Variants in GRXCR2 observed in about 807,000 individuals in gnomAD.
GRXCR2 encodes glutaredoxin domain-containing cysteine-rich protein 2.
GRXCR2 carries 23 observed loss-of-function variants against 24.8 expected under a neutral mutation model. The observed-to-expected ratio is 0.93, with a 90% CI of 0.67 to 1.32. GRXCR2 has a LOEUF of 1.32. Among genes scored for constraint, GRXCR2 ranks in the 40% most tolerant of loss-of-function variants. GRXCR2 has a pLI of 0.00. For missense variants in GRXCR2, 315 were observed against 303.4 expected (o/e 1.04, Z -0.28); for synonymous variants, 130 against 116.1 (o/e 1.12, Z -0.77).
At chr5:145,927,901 TG>T (rs1206327467) in intron 2 of GRXCR2, among the ~76,000 whole-genome samples, 2 of 152,002 alleles carry the variant, frequency 1.3e-5, no homozygotes, top group Non-Finnish European at 2.9e-5. Flanking sequence ...AATTGACAAA[TG>T]GGATCTAACT....
chr5:145,867,346 C>T (rs1446891126), intron 1 of GRXCR2, among the ~76,000 whole-genome samples: 1 of 152,124 alleles, frequency 6.6e-6, no homozygotes, highest in Non-Finnish European at 1.5e-5. Context: ...CCAAGTCTGT[C>T]ACCCTAAAGC....
intron 1 of GRXCR2, among the ~76,000 whole-genome samples, chr5:145,867,665 A>C (rs1448032592): frequency 6.6e-6 from 1 of 152,192 alleles, no homozygotes; most frequent in Admixed American, 6.5e-5. Flanking sequence ...CAGCATCTAA[A>C]CAGATTTGGT....
intron 2 of GRXCR2, among the ~76,000 whole-genome samples, chr5:145,917,182 C>T (rs1264868016): frequency 6.7e-6 from 1 of 149,388 alleles, no homozygotes; most frequent in African/African-American, 2.5e-5. Context: ...CAGTATTTGC[C>T]TGTTACTCCC....
chr5:145,869,559 CTTT>C (rs398038865), intron 1 of GRXCR2, among the ~76,000 whole-genome samples: 5 of 137,510 alleles, frequency 3.6e-5, no homozygotes, highest in Admixed American at 7.4e-5. Flanking sequence ...CTCTCTCTCT[CTTT>C]TTTTTTTTTT....
intron 2 of GRXCR2, among the ~76,000 whole-genome samples, chr5:145,899,852 G>A (rs1252338389): frequency 6.6e-6 from 1 of 152,068 alleles, no homozygotes; most frequent in Non-Finnish European, 1.5e-5. Context: ...CCTTGGGAAA[G>A]AATTTATGAC....
intron 2 of GRXCR2, among the ~76,000 whole-genome samples, chr5:145,915,541 T>C (rs974133060): frequency 1.3e-5 from 2 of 152,030 alleles, no homozygotes; most frequent in Non-Finnish European, 2.9e-5. Context: ...TCCTAACACT[T>C]TGGGAGGCCG....
intron 2 of GRXCR2, among the ~76,000 whole-genome samples, chr5:145,881,897 T>G (rs1013826629): frequency 1.3e-5 from 2 of 152,024 alleles, no homozygotes; most frequent in Non-Finnish European, 2.9e-5. Flanking sequence ...TTTGACAAAC[T>G]TGACAAAAAC....
chr5:145,894,495 C>T (rs1756919038), intron 2 of GRXCR2, among the ~76,000 whole-genome samples: 1 of 152,302 alleles, frequency 6.6e-6, no homozygotes, highest in Middle Eastern at 3.4e-3. Context: ...TCAGAGAATA[C>T]TATAAACACT....
At chr5:145,873,328 A>C (rs1339943402), upstream of GRXCR2, among the ~76,000 whole-genome samples, 1 of 152,210 alleles carries the variant, frequency 6.6e-6, no homozygotes, top group Admixed American at 6.5e-5. Flanking sequence ...CAATTAGTTA[A>C]CAAGTGTCTT....
At chr5:145,873,454 T>G (rs913755615), upstream of GRXCR2, among the ~76,000 whole-genome samples, 2 of 152,236 alleles carry the variant, frequency 1.3e-5, no homozygotes, top group Non-Finnish European at 2.9e-5. Context: ...ATCTTACCTT[T>G]GTTTTACACA....
chr5:145,927,973 G>A (rs1369614620), intron 2 of GRXCR2, among the ~76,000 whole-genome samples: 2 of 152,084 alleles, frequency 1.3e-5, no homozygotes, highest in Non-Finnish European at 2.9e-5. Flanking sequence ...GCAACCTACA[G>A]AATGGGAGAA....
intron 2 of GRXCR2, among the ~76,000 whole-genome samples, chr5:145,910,789 A>G (rs1388068814): frequency 6.6e-6 from 1 of 152,214 alleles, no homozygotes; most frequent in Non-Finnish European, 1.5e-5. Flanking sequence ...TGAAGCAGAT[A>G]AGATTTAAGC....
intron 2 of GRXCR2, among the ~76,000 whole-genome samples, chr5:145,889,172 AAAAGAAAGAAAG>A (rs557521873): frequency 0.061 from 5,086 of 83,930 alleles, 171 homozygotes; most frequent in Non-Finnish European, 0.067. Context: ...CTGTCTCAAA[AAAAGAAAGAAAG>A]AAAGAAAGAA....
intron 2 of GRXCR2, among the ~76,000 whole-genome samples, chr5:145,893,188 G>T (rs1756896407): frequency 6.6e-6 from 1 of 152,168 alleles, no homozygotes; most frequent in African/African-American, 2.4e-5. Context: ...ATGCCAAATT[G>T]TAAAGACCAT....
chr5:145,876,301 G>T (rs866037205), upstream of GRXCR2, among the ~76,000 whole-genome samples: 30 of 142,636 alleles, frequency 2.1e-4, no homozygotes, highest in Middle Eastern at 7.9e-3. Context: ...TTTTGAGACA[G>T]GGTCTTGCTC....
At chr5:145,925,892 TA>T (rs1339360790) in intron 2 of GRXCR2, among the ~76,000 whole-genome samples, 1 of 151,984 alleles carries the variant, frequency 6.6e-6, no homozygotes, top group African/African-American at 2.4e-5. Flanking sequence ...GGCCTACTCA[TA>T]AAAAGAGACA....
rs1756558905 is a variant in GRXCR2 at position 145,872,931 on chromosome 5, T to C, written c.38A>G (p.Asp13Gly). The part of the protein sequence containing the change: ...DPEKKLNQKS[D>G]GKPRKVRFKI... Reference sequence around the variant, plus strand: ...AAATCGTACTTTCCGGGGTTTGCCATCACTCTTCTGATTCAGCTTTTTCTC... The same window carrying C: ...AAATCGTACTTTCCGGGGTTTGCCACCACTCTTCTGATTCAGCTTTTTCTC... Residue 13 changes from aspartate (D) to glycine (G), a missense_variant, in exon 1 of 3, where the codon GAT becomes GGT. Physicochemically the swap from Asp to Gly is moderately conservative, Grantham distance 94 (BLOSUM62 -1). Coordinates refer to ENST00000377976, the MANE Select transcript of GRXCR2 (RefSeq NM_001080516.2). 1.9e-6 allele frequency: 3 copies of C among 1,614,054 alleles called. No individual in the cohort carries two copies. The highest frequency in any genetic ancestry group is 1.7e-5 in the Admixed American group (1 of 60,004).
chr5:145,896,687 G>A (rs1756954981), intron 2 of GRXCR2, among the ~76,000 whole-genome samples: 1 of 152,150 alleles, frequency 6.6e-6, no homozygotes, highest in African/African-American at 2.4e-5. Context: ...CTGTTGGTGG[G>A]ACTGTAAACT....
At chr5:145,891,392 A>G (rs1756863041) in intron 2 of GRXCR2, among the ~76,000 whole-genome samples, 2 of 152,326 alleles carry the variant, frequency 1.3e-5, no homozygotes, top group South Asian at 4.2e-4. Context: ...AGTCAAAGAA[A>G]GGGGTGACAG....
Sources: gnomAD v4.1 joint callset for allele counts (sites outside exome capture counted in the v4.1 genomes callset) on GRCh38, gnomAD v4.1.1 for gene constraint, MANE v1.5 for transcripts, NCBI Gene and HGNC (gene_info 2026-07-23, HGNC 2026-07-21) for gene names.